Variants in RBMS3 observed in about 807,000 individuals in gnomAD.
The protein encoded by RBMS3 is RNA-binding motif, single-stranded-interacting protein 3.
RBMS3 carries 27 observed loss-of-function variants against 66.8 expected under a neutral mutation model. That is an observed-to-expected ratio of 0.40 (90% CI 0.30 to 0.56). The LOEUF (loss-of-function observed/expected upper bound fraction) is 0.56. RBMS3 is among the 20% of genes least tolerant of loss of function. The probability of loss-of-function intolerance (pLI) is 0.40; values close to 1 mark genes in which losing one functional copy is unlikely to be tolerated. For missense variants in RBMS3, 513 were observed against 549.5 expected, an observed-to-expected ratio of 0.93 and a Z score of 0.66; for synonymous variants, 188 against 183.0, an observed-to-expected ratio of 1.03 and a Z score of -0.22.
intron 14 of RBMS3, among the ~76,000 whole-genome samples, chr3:29,994,651 C>G (rs1046767264): frequency 6.6e-6 from 1 of 152,232 alleles, no homozygotes; most frequent in East Asian, 1.9e-4. Context: ...AGGCACCCCC[C>G]AGCAGGGGCA....
rs1699873068 is a variant in RBMS3, at chr3:30,008,675, A to G, written c.*4813A>G. ...CTCTACCCTTCCTGTGGCAAGTGAT[A>G]ATGGGATTTCATTAATGAATCAATT... On this transcript the variant is annotated 3_prime_UTR_variant, in exon 15 of 15. Transcript: ENST00000383767. The G allele has an allele frequency of 6.6e-6, 1 of 152,084 alleles. No individual in the cohort carries two copies. The highest frequency in any genetic ancestry group is 6.6e-5 in the Admixed American group (1 of 15,252). The allele number at this position is 152,084 out of a possible 1,614,324, so 9.4% of individuals were successfully genotyped here.
At chr3:29,412,054 G>C (rs1345098729) in intron 1 of RBMS3, among the ~76,000 whole-genome samples, 1 of 152,174 alleles carries the variant, frequency 6.6e-6, no homozygotes. Context: ...CATTTAGTTA[G>C]TTTATAATAG....
intron 3 of RBMS3, among the ~76,000 whole-genome samples, chr3:29,567,469 C>T (rs1366190819): frequency 6.6e-6 from 1 of 152,106 alleles, no homozygotes; most frequent in African/African-American, 2.4e-5. Context: ...AGTAGGTAAA[C>T]GCTATACAGA....
chr3:29,436,498 T>C (rs1487558662), intron 2 of RBMS3, among the ~76,000 whole-genome samples: 2 of 152,296 alleles, frequency 1.3e-5, no homozygotes, highest in Admixed American at 6.5e-5. Context: ...TTTTGGCCCA[T>C]AGAATATTGA....
intron 4 of RBMS3, among the ~76,000 whole-genome samples, chr3:29,624,321 A>C (rs948832310): frequency 1.3e-5 from 2 of 152,112 alleles, no homozygotes; most frequent in Non-Finnish European, 1.5e-5. Flanking sequence ...AAAAAACAAA[A>C]CCCCCTGAAA....
chr3:29,734,163 TG>T (rs2054270324), intron 4 of RBMS3, among the ~76,000 whole-genome samples: 1 of 152,080 alleles, frequency 6.6e-6, no homozygotes, highest in African/African-American at 2.4e-5. Context: ...AAATACCACA[TG>T]TTCTCACTCA....
chr3:29,408,619 G>A (rs1559555720), intron 1 of RBMS3, among the ~76,000 whole-genome samples: 1 of 152,078 alleles, frequency 6.6e-6, no homozygotes, highest in Non-Finnish European at 1.5e-5. Context: ...ACTCTCTAAT[G>A]TCATTATGAT....
chr3:29,627,464 T>C (rs1322724067), intron 4 of RBMS3, among the ~76,000 whole-genome samples: 1 of 152,086 alleles, frequency 6.6e-6, no homozygotes, highest in African/African-American at 2.4e-5. Context: ...ATTCCAGTGG[T>C]ACAGCATTTT....
intron 1 of RBMS3, among the ~76,000 whole-genome samples, chr3:29,347,128 G>A (rs2036623755): frequency 6.6e-6 from 1 of 152,168 alleles, no homozygotes; most frequent in Non-Finnish European, 1.5e-5. Context: ...AGACTCTGGA[G>A]GCTGATGAGA....
At chr3:29,618,027 A>T (rs2048727316) in intron 4 of RBMS3, among the ~76,000 whole-genome samples, 1 of 152,194 alleles carries the variant, frequency 6.6e-6, no homozygotes, top group African/African-American at 2.4e-5. Flanking sequence ...CCATATGTTC[A>T]TGTATGATGC....
At chr3:29,905,190 G>A (rs2060347424) in intron 10 of RBMS3, among the ~76,000 whole-genome samples, 1 of 151,940 alleles carries the variant, frequency 6.6e-6, no homozygotes, top group African/African-American at 2.4e-5. Context: ...ATGAATGGGT[G>A]TGCCTTGAGT....
intron 1 of RBMS3, among the ~76,000 whole-genome samples, chr3:29,315,715 G>T (rs1478038407): frequency 1.3e-5 from 2 of 151,808 alleles, no homozygotes; most frequent in Admixed American, 1.3e-4. Flanking sequence ...ATACAATCAT[G>T]CTGCAGTGAA....
intron 2 of RBMS3, among the ~76,000 whole-genome samples, chr3:29,482,887 T>C (rs1174628510): frequency 2.0e-5 from 3 of 151,494 alleles, no homozygotes; most frequent in Admixed American, 6.6e-5. Context: ...TTTGTATTTT[T>C]AGTATAGACG....
chr3:29,765,453 T>C (rs1307526834), intron 6 of RBMS3, among the ~76,000 whole-genome samples: 1 of 152,008 alleles, frequency 6.6e-6, no homozygotes, highest in African/African-American at 2.4e-5. Flanking sequence ...TGTCTTTGCT[T>C]GTGAATATGC....
chr3:29,596,043 C>T (rs2047932467), intron 4 of RBMS3, among the ~76,000 whole-genome samples: 1 of 152,114 alleles, frequency 6.6e-6, no homozygotes, highest in African/African-American at 2.4e-5. Context: ...TGTAAGTGGA[C>T]AAGTAAGAGA....
chr3:29,853,290 T>C (rs1304488672), intron 6 of RBMS3, among the ~76,000 whole-genome samples: 2 of 152,120 alleles, frequency 1.3e-5, no homozygotes, highest in Non-Finnish European at 2.9e-5. Context: ...AAGCTGCACA[T>C]GTACCCCTGA....
chr3:29,351,422 C>T (rs1055008693), intron 1 of RBMS3, among the ~76,000 whole-genome samples: 1 of 152,088 alleles, frequency 6.6e-6, no homozygotes, highest in Non-Finnish European at 1.5e-5. Context: ...TCTAACATTA[C>T]AATCACTGTA....
chr3:29,504,184 CCCAGGTCACACATATGTCTGAGCCGTG>C (rs2044091141), intron 3 of RBMS3, among the ~76,000 whole-genome samples: 1 of 152,030 alleles, frequency 6.6e-6, no homozygotes, highest in Admixed American at 6.6e-5. Context: ...TGATGTTTTG[CCCAGGTCACACATATGTCTGAGCCGTG>C]CCAGTTAGTA....
intron 1 of RBMS3, among the ~76,000 whole-genome samples, chr3:29,420,757 C>A (rs897584976): frequency 1.3e-5 from 2 of 151,852 alleles, no homozygotes; most frequent in African/African-American, 4.8e-5. Context: ...TTAAGGGAAG[C>A]AAATAAATGA....
Sources: allele counts gnomAD v4.1 joint callset (sites outside exome capture counted in the v4.1 genomes callset), GRCh38; gene constraint gnomAD v4.1.1; transcripts MANE v1.5; gene names NCBI Gene and HGNC (gene_info 2026-07-23, HGNC 2026-07-21).